The following HUNK variants were observed in gnomAD, a reference collection of about 807,000 sequenced individuals.
The protein encoded by HUNK is hormonally up-regulated neu tumor-associated kinase.
A neutral mutation model predicts 61.0 loss-of-function variants in HUNK; 21 were observed. The observed-to-expected ratio is 0.34, with a 90% CI of 0.24 to 0.50. The LOEUF (loss-of-function observed/expected upper bound fraction) is 0.50, where lower values mean the gene tolerates loss of function less well. Ranked by LOEUF, HUNK falls within the 20% of genes least tolerant of loss-of-function variation. The probability of loss-of-function intolerance (pLI) is 0.98; values close to 1 mark genes in which losing one functional copy is unlikely to be tolerated. For synonymous variants in HUNK, 371 were observed against 386.1 expected, an observed-to-expected ratio of 0.96 and a Z score of 0.46; for missense variants, 772 against 945.7, an observed-to-expected ratio of 0.82 and a Z score of 2.41.
At chr21:31,905,715 G>A (rs1459206105) in intron 1 of HUNK, among the ~76,000 whole-genome samples, 1 of 152,146 alleles carries the variant, frequency 6.6e-6, no homozygotes, top group African/African-American at 2.4e-5. Context: ...TTGTACAGAC[G>A]GACACCATAA....
chr21:31,941,355 G>A (rs926609445), intron 3 of HUNK, among the ~76,000 whole-genome samples: 4 of 150,896 alleles, frequency 2.7e-5, no homozygotes, highest in Admixed American at 2.0e-4. Context: ...TGCCCAGGCT[G>A]GAGTGCAGTG....
chr21:32,000,338 G>T lies in HUNK; in HGVS notation c.*1154G>T. Reference sequence around the variant, plus strand: ...CAGGCCAGTTTCTTCTTCGAGGAAAGCCAAGCTCCTCAAACAGGGTTCAGT... The same window carrying T: ...CAGGCCAGTTTCTTCTTCGAGGAAATCCAAGCTCCTCAAACAGGGTTCAGT... On this transcript the variant is annotated 3_prime_UTR_variant, in exon 11 of 11. Coordinates refer to ENST00000270112, the MANE Select transcript of HUNK (RefSeq NM_014586.2). 2 of 399,100 alleles carry T rather than the reference G, an allele frequency of 5.0e-6. No homozygotes were observed. The highest frequency in any genetic ancestry group is 8.8e-6 in the Non-Finnish European group (2 of 226,092). The allele number at this position is 399,100 out of a possible 1,614,324, so 24.7% of individuals were successfully genotyped here. A position where few individuals can be genotyped will look rare whatever the true frequency, so the allele number is the denominator to read the frequency against.
rs1010593642 is a variant in HUNK, at chr21:31,924,737, G to C, written c.531G>C (p.Leu177=). 6.2e-7 allele frequency: 1 copy of C among 1,611,232 alleles called. No individual in the cohort carries two copies. Among genetic ancestry groups the C allele is most frequent in the Non-Finnish European group, 8.5e-7 (1 of 1,178,870 alleles). The part of the protein sequence containing the change: ...IRQLISAVEH[L]HRAGVVHRDL... ...AGCTCATCTCTGCCGTAGAGCACCT[G>C]CACCGGGCCGGGGTGGTCCACAGGT... The change falls in exon 2 of 11, where the codon CTG becomes CTC. Residue 177 remains leucine, a synonymous_variant. Coordinates refer to ENST00000270112, the MANE Select transcript of HUNK (RefSeq NM_014586.2). This position sits in a 1 kb window ranked among gnomAD's most constrained non-coding sequence, Gnocchi z 5.1.
At chr21:31,941,733 G>A (rs762473206) in intron 3 of HUNK, among the ~76,000 whole-genome samples, 4 of 152,158 alleles carry the variant, frequency 2.6e-5, no homozygotes, top group South Asian at 2.1e-4. Flanking sequence ...CCTCATTTCC[G>A]AGATCTGGAG....
chr21:31,913,618 C>T (rs1444713902), intron 1 of HUNK, among the ~76,000 whole-genome samples: 1 of 151,762 alleles, frequency 6.6e-6, no homozygotes, highest in African/African-American at 2.4e-5. Context: ...ACAGATTATC[C>T]AGGTGGAGAT....
At chr21:31,913,312 G>C (rs184761113) in intron 1 of HUNK, among the ~76,000 whole-genome samples, 1 of 152,192 alleles carries the variant, frequency 6.6e-6, no homozygotes, top group Admixed American at 6.5e-5. Flanking sequence ...GGGAATTCCA[G>C]GCTGGGCTGG....
intron 1 of HUNK, among the ~76,000 whole-genome samples, chr21:31,919,220 A>C (rs564350618): frequency 1.2e-3 from 151 of 129,298 alleles, no homozygotes; most frequent in African/African-American, 4.0e-3. Context: ...AGGGGCTGGA[A>C]TGAGTGGTAT....
chr21:31,897,809 G>A (rs1446271000), intron 1 of HUNK, among the ~76,000 whole-genome samples: 1 of 152,190 alleles, frequency 6.6e-6, no homozygotes, highest in Non-Finnish European at 1.5e-5. Flanking sequence ...ACTGCCCTGG[G>A]CATTGATGTT....
intron 1 of HUNK, among the ~76,000 whole-genome samples, chr21:31,898,620 C>T (rs1394286370): frequency 6.6e-6 from 1 of 152,126 alleles, no homozygotes; most frequent in Non-Finnish European, 1.5e-5. Flanking sequence ...TTTTTCAGCT[C>T]ACTTTTCTTC....
At chr21:31,912,224 G>A (rs893139698) in intron 1 of HUNK, among the ~76,000 whole-genome samples, 5 of 152,110 alleles carry the variant, frequency 3.3e-5, no homozygotes, top group East Asian at 1.9e-4. Context: ...GGTTCCTGAC[G>A]CGGTGCTGGA....
chr21:31,904,685 G>A lies in HUNK; in HGVS notation c.262-19783G>A, dbSNP rs117507063. ...TCTTTTTTCCTTAGTTCTAGAATTC[G>A]TGATAAATTTTACTGGTGTTATGGG... On this transcript the variant is annotated intron_variant, in intron 1 of 10. Coordinates refer to ENST00000270112, the MANE Select transcript of HUNK (RefSeq NM_014586.2). Among the ~76,000 whole-genome samples, 78 of 152,208 alleles carry A rather than the reference G, an allele frequency of 5.1e-4. 2 individuals are homozygous for A. The East Asian group carries it at 0.012, about 24-fold the overall frequency.
chr21:31,874,461 G>C (rs2052244249), intron 1 of HUNK, among the ~76,000 whole-genome samples: 1 of 152,052 alleles, frequency 6.6e-6, no homozygotes, highest in Non-Finnish European at 1.5e-5. Flanking sequence ...TGTGGGCTCC[G>C]GCAGCTAGGG....
chr21:31,881,226 A>G (rs1601356279), intron 1 of HUNK, among the ~76,000 whole-genome samples: 1 of 152,192 alleles, frequency 6.6e-6, no homozygotes, highest in Non-Finnish European at 1.5e-5. Flanking sequence ...AGTCCATACC[A>G]TATGGACCGT....
intron 8 of HUNK, among the ~76,000 whole-genome samples, chr21:31,987,842 A>G (rs552777940): frequency 6.6e-6 from 1 of 152,330 alleles, no homozygotes; most frequent in Admixed American, 6.5e-5. Context: ...AGGACCTTCC[A>G]GTCGTCCTCC....
chr21:31,886,748 C>T lies in HUNK; in HGVS notation c.261+12813C>T, dbSNP rs145537586. On this transcript the variant is annotated intron_variant, in intron 1 of 10. Transcript: ENST00000270112. Reference sequence around the variant, plus strand: ...GCAACCTCCGCCTCCCGGGTTCAAGCGATTCTCCTGCTTCAGCCTCTCGAG... The same window carrying T: ...GCAACCTCCGCCTCCCGGGTTCAAGTGATTCTCCTGCTTCAGCCTCTCGAG... Among the ~76,000 whole-genome samples, 130 of 152,004 alleles carry T rather than the reference C, an allele frequency of 8.6e-4. 1 individual carries two copies. Among genetic ancestry groups the T allele is most frequent in the Non-Finnish European group, 1.7e-3 (117 of 67,982 alleles).
chr21:31,876,046 G>A (rs1051517693), intron 1 of HUNK, among the ~76,000 whole-genome samples: 6 of 152,182 alleles, frequency 3.9e-5, no homozygotes, highest in Non-Finnish European at 8.8e-5. Flanking sequence ...GCCCAAATAG[G>A]ATTCACATGA....
chr21:31,968,415 G>A (rs756687878), intron 6 of HUNK, 30 bp downstream of exon 6: 13 of 1,613,022 alleles, frequency 8.1e-6, no homozygotes, highest in South Asian at 1.1e-5. Flanking sequence ...GGAACTCCTC[G>A]GGAGAGACGG....
At chr21:31,885,974 A>G (rs1162197785) in intron 1 of HUNK, among the ~76,000 whole-genome samples, 1 of 151,994 alleles carries the variant, frequency 6.6e-6, no homozygotes, top group Admixed American at 6.6e-5. Flanking sequence ...CTCGTGATCC[A>G]CCCGTCTCAG....
chr21:31,916,301 C>T (rs1300529340), intron 1 of HUNK, among the ~76,000 whole-genome samples: 2 of 151,924 alleles, frequency 1.3e-5, no homozygotes, highest in African/African-American at 2.4e-5. Flanking sequence ...CCGCCCGCCT[C>T]GGCCTCCCAA....
Sources: gnomAD v4.1 joint callset for allele counts (sites outside exome capture counted in the v4.1 genomes callset) on GRCh38, gnomAD v4.1.1 for gene constraint, Gnocchi (gnomAD v3.1) non-coding constraint, MANE v1.5 for transcripts, NCBI Gene and HGNC (gene_info 2026-07-23, HGNC 2026-07-21) for gene names.